KIAA0825: variants seen among roughly 807,000 people sequenced by gnomAD.
KIAA0825 encodes the protein KIAA0825.
In KIAA0825, 119 loss-of-function variants were observed where a neutral mutation model predicts 147.6. That is an observed-to-expected ratio of 0.81 (90% CI 0.69 to 0.94). The LOEUF is 0.94. Among genes scored for constraint, KIAA0825 ranks in the 40% least tolerant of loss-of-function variants. The pLI is 0.00. For missense variants in KIAA0825, 1,381 were observed against 1,472.7 expected (o/e 0.94, Z 1.02); for synonymous variants, 470 against 518.1 (o/e 0.91, Z 1.26).
intron 20 of KIAA0825, among the ~76,000 whole-genome samples, chr5:94,330,934 A>G (rs995843064): frequency 2.0e-5 from 3 of 152,038 alleles, no homozygotes; most frequent in Non-Finnish European, 4.4e-5. Context: ...CAGGAGTTCA[A>G]GAACACCCTG....
chr5:94,391,774 G>T, intron 17 of KIAA0825, 80 bp from the exon 18 acceptor site: 1 of 1,180,304 alleles, frequency 8.5e-7, no homozygotes, highest in Non-Finnish European at 1.2e-6. Context: ...GGAGTGTGGA[G>T]AGTTGATGTA....
chr5:94,547,562 C>T (rs1337465045), intron 2 of KIAA0825, among the ~76,000 whole-genome samples: 4 of 151,908 alleles, frequency 2.6e-5, no homozygotes, highest in African/African-American at 7.3e-5. Context: ...ATGGTGAAAC[C>T]CCGTCTCTAC....
chr5:94,537,417 C>A (rs1391645374), intron 2 of KIAA0825, among the ~76,000 whole-genome samples: 1 of 151,952 alleles, frequency 6.6e-6, no homozygotes, highest in Non-Finnish European at 1.5e-5. Context: ...TTTGGGAGGC[C>A]GAGGCGGGTG....
rs1227861781 is a variant in KIAA0825 at position 94,550,014 on chromosome 5, G to A, written c.-1-12887C>T. On this transcript the variant is annotated intron_variant, in intron 2 of 20. Coordinates refer to ENST00000682413, the MANE Select transcript of KIAA0825 (RefSeq NM_001145678.3). ...AAAAGATAAAATGGACATCAACAGAGGACTGGATAAACAGAATGTGGTACA... is the reference window on the plus strand; with the variant it reads ...AAAAGATAAAATGGACATCAACAGAAGACTGGATAAACAGAATGTGGTACA... Among the ~76,000 whole-genome samples the A allele has an allele frequency of 1.3e-5, 2 of 152,006 alleles. 1 individual carries two copies. The highest frequency in any genetic ancestry group is 4.8e-5 in the African/African-American group (2 of 41,362).
At chr5:94,611,315 ATAGT>A (rs1369886335) in intron 1 of KIAA0825, among the ~76,000 whole-genome samples, 1 of 152,098 alleles carries the variant, frequency 6.6e-6, no homozygotes, top group Non-Finnish European at 1.5e-5. Context: ...CTCGTGTATG[ATAGT>A]TAATCTAAAT....
At chr5:94,407,203 G>C (rs1195644838) in intron 15 of KIAA0825, among the ~76,000 whole-genome samples, 1 of 152,172 alleles carries the variant, frequency 6.6e-6, no homozygotes, top group Admixed American at 6.5e-5. Context: ...AAAGCCCTGA[G>C]AAAGCGCTAA....
intron 4 of KIAA0825, among the ~76,000 whole-genome samples, chr5:94,521,178 C>T (rs1236178810): frequency 6.6e-6 from 1 of 151,616 alleles, no homozygotes; most frequent in African/African-American, 2.4e-5. Flanking sequence ...GTTTTTAGCC[C>T]TCATTGTTAT....
At chr5:94,428,191 GT>G (rs1345679023) in intron 14 of KIAA0825, among the ~76,000 whole-genome samples, 4 of 115,314 alleles carry the variant, frequency 3.5e-5, no homozygotes, top group African/African-American at 1.2e-4. Context: ...GTGTGTGTGT[GT>G]GTTTTAATTC....
intron 2 of KIAA0825, chr5:94,570,221 G>A (rs1561332079): frequency 6.6e-6 from 1 of 152,262 alleles, no homozygotes; most frequent in East Asian, 1.9e-4. Flanking sequence ...CACAACCAAA[G>A]ACATCCTAGG....
intron 2 of KIAA0825, among the ~76,000 whole-genome samples, chr5:94,557,870 G>A (rs1043416554): frequency 6.6e-5 from 10 of 152,066 alleles, no homozygotes. Context: ...GTTTGTTATG[G>A]CTCGAGCGGT....
chr5:94,486,717 C>T (rs1033317443), intron 5 of KIAA0825, among the ~76,000 whole-genome samples: 1 of 152,058 alleles, frequency 6.6e-6, no homozygotes, highest in African/African-American at 2.4e-5. Context: ...AAATATTATG[C>T]CCCAAAATGA....
At chr5:94,407,603 C>G (rs1241074396) in intron 15 of KIAA0825, among the ~76,000 whole-genome samples, 1 of 152,156 alleles carries the variant, frequency 6.6e-6, no homozygotes, top group Non-Finnish European at 1.5e-5. Flanking sequence ...AATGCACATA[C>G]TGCATGATTC....
At chr5:94,428,143 T>TTGTGTGTGTGTGTGTG (rs61572627) in intron 14 of KIAA0825, among the ~76,000 whole-genome samples, 4 of 134,498 alleles carry the variant, frequency 3.0e-5, no homozygotes, top group Admixed American at 2.3e-4. Flanking sequence ...TAAGGTCTTG[T>TTGTGTGTGTGTGTGTG]TGTGTGTGTG....
At chr5:94,196,197 G>A (rs1016246196) in intron 20 of KIAA0825, among the ~76,000 whole-genome samples, 2 of 152,102 alleles carry the variant, frequency 1.3e-5, no homozygotes, top group African/African-American at 4.8e-5. Context: ...TGCCCATTGG[G>A]TAGCTGGCTT....
intron 18 of KIAA0825, among the ~76,000 whole-genome samples, chr5:94,388,323 T>TAG (rs1186641005): frequency 6.6e-6 from 1 of 152,180 alleles, no homozygotes; most frequent in African/African-American, 2.4e-5. Context: ...CACCAACTGG[T>TAG]AGAGGTCTGT....
intron 5 of KIAA0825, among the ~76,000 whole-genome samples, chr5:94,489,964 T>A (rs1470948162): frequency 6.6e-6 from 1 of 152,000 alleles, no homozygotes; most frequent in South Asian, 2.1e-4. Context: ...GCAGGCATTG[T>A]TTTTATCCAC....
chr5:94,161,696 G>A (rs574353060), intron 20 of KIAA0825, among the ~76,000 whole-genome samples: 1 of 152,064 alleles, frequency 6.6e-6, no homozygotes, highest in East Asian at 1.9e-4. Flanking sequence ...TTCGTTATCT[G>A]TAGCTTTTGT....
intron 20 of KIAA0825, among the ~76,000 whole-genome samples, chr5:94,198,841 C>T (rs1329044924): frequency 6.6e-6 from 1 of 152,204 alleles, no homozygotes; most frequent in African/African-American, 2.4e-5. Flanking sequence ...GTCTATTCTG[C>T]TATCAACACT....
intron 1 of KIAA0825, among the ~76,000 whole-genome samples, chr5:94,586,949 T>C (rs1214722052): frequency 6.6e-6 from 1 of 152,214 alleles, no homozygotes; most frequent in Non-Finnish European, 1.5e-5. Context: ...AACCACATGA[T>C]TATCTCAATA....
Sources: gnomAD v4.1 joint callset for allele counts (sites outside exome capture counted in the v4.1 genomes callset) on GRCh38, gnomAD v4.1.1 for gene constraint, MANE v1.5 for transcripts, NCBI Gene and HGNC (gene_info 2026-07-23, HGNC 2026-07-21) for gene names.